The following SKIC3 variants were observed in gnomAD, a reference collection of about 807,000 sequenced individuals.
SKIC3 encodes the protein superkiller complex protein 3.
the SKIC3 span, chr5:95,491,025 T>C: frequency 6.8e-6 from 11 of 1,613,786 alleles, no homozygotes; most frequent in Non-Finnish European, 9.3e-6. Context: ...CCAGCCCAGA[T>C]AGCAGGATCA....
chr5:95,532,299 AGG>A, the SKIC3 span, among the ~76,000 whole-genome samples: 1 of 152,198 alleles, frequency 6.6e-6, no homozygotes. Context: ...TTTTAAAACA[AGG>A]TAAACCTTCC....
the SKIC3 span, among the ~76,000 whole-genome samples, chr5:95,486,242 C>A: frequency 7.2e-5 from 11 of 152,280 alleles, no homozygotes; most frequent in East Asian, 1.9e-3. Context: ...TAGAGCCCCA[C>A]TGATATTCCC....
chr5:95,529,079 T>A, the SKIC3 span: 1 of 1,613,778 alleles, frequency 6.2e-7, no homozygotes, highest in Non-Finnish European at 8.5e-7. Flanking sequence ...CATCCACTTG[T>A]GCAGACAGGG....
chr5:95,525,621 T>A, the SKIC3 span: 28 of 1,613,920 alleles, frequency 1.7e-5, 1 homozygote, highest in African/African-American at 2.0e-4. Flanking sequence ...TTTGTTCCGA[T>A]AGGCCAAGCT....
chr5:95,538,225 A>G, the SKIC3 span, among the ~76,000 whole-genome samples: 3 of 152,272 alleles, frequency 2.0e-5, no homozygotes, highest in East Asian at 5.8e-4. Flanking sequence ...CTGGTAACCT[A>G]CATTATTTTA....
At chr5:95,532,556 T>C in the SKIC3 span, among the ~76,000 whole-genome samples, 1 of 152,134 alleles carries the variant, frequency 6.6e-6, no homozygotes, top group Non-Finnish European at 1.5e-5. Flanking sequence ...ATACTTATTC[T>C]TGTTGAGAAT....
the SKIC3 span, chr5:95,543,339 A>C: frequency 6.2e-7 from 1 of 1,613,636 alleles, no homozygotes; most frequent in Non-Finnish European, 8.5e-7. Context: ...TGATTTAAAA[A>C]AAATTAAAAG....
the SKIC3 span, chr5:95,523,669 C>T: frequency 5.0e-6 from 8 of 1,613,324 alleles, no homozygotes; most frequent in African/African-American, 1.3e-5. Context: ...TCTTCAAGCT[C>T]CACACTTAGG....
chr5:95,484,941 C>A, the SKIC3 span: 1 of 1,297,328 alleles, frequency 7.7e-7, no homozygotes, highest in African/African-American at 1.5e-5. Flanking sequence ...TTGGGCTTAT[C>A]ATCCATACAC....
At chr5:95,549,048 TA>T in the SKIC3 span, among the ~76,000 whole-genome samples, 1 of 151,966 alleles carries the variant, frequency 6.6e-6, no homozygotes, top group Non-Finnish European at 1.5e-5. Flanking sequence ...ACTTAAGACA[TA>T]TAAGTCATTC....
the SKIC3 span, among the ~76,000 whole-genome samples, chr5:95,519,083 C>T: frequency 2.7e-5 from 4 of 147,228 alleles, no homozygotes; most frequent in African/African-American, 9.9e-5. Flanking sequence ...TACCCTGAGA[C>T]CAAAAAAAAA....
the SKIC3 span, chr5:95,495,106 T>C: frequency 6.2e-6 from 8 of 1,291,822 alleles, no homozygotes; most frequent in African/African-American, 5.9e-5. Flanking sequence ...TTCCACTAAA[T>C]CACTGGAAAG....
At chr5:95,549,874 C>A in the SKIC3 span, among the ~76,000 whole-genome samples, 1 of 151,894 alleles carries the variant, frequency 6.6e-6, no homozygotes, top group Non-Finnish European at 1.5e-5. Flanking sequence ...AGGGTAAAAA[C>A]CTACTACCCA....
chr5:95,542,246 A>AT, the SKIC3 span, among the ~76,000 whole-genome samples: 2 of 152,042 alleles, frequency 1.3e-5, no homozygotes, highest in Non-Finnish European at 2.9e-5. Flanking sequence ...ATATGACATT[A>AT]TTTTTTTCAA....
At chr5:95,495,201 G>A in the SKIC3 span, 1 of 595,542 alleles carries the variant, frequency 1.7e-6, no homozygotes, top group Non-Finnish European at 2.9e-6. Context: ...ATAATCTTGT[G>A]AAAGGAAATC....
the SKIC3 span, chr5:95,503,857 T>C: frequency 1.9e-6 from 3 of 1,613,946 alleles, no homozygotes; most frequent in Non-Finnish European, 2.5e-6. Flanking sequence ...ATAAAGCCAA[T>C]GCAAAACCTA....
At chr5:95,510,800 C>A in the SKIC3 span, among the ~76,000 whole-genome samples, 6 of 152,172 alleles carry the variant, frequency 3.9e-5, no homozygotes, top group African/African-American at 1.4e-4. Context: ...GCATGAATTT[C>A]TCTTTTTCTA....
At chr5:95,487,277 A>T in the SKIC3 span, among the ~76,000 whole-genome samples, 1 of 152,092 alleles carries the variant, frequency 6.6e-6, no homozygotes, top group Non-Finnish European at 1.5e-5. Context: ...GTGATCCTGT[A>T]AGTTAATACT....
At chr5:95,486,783 C>G in the SKIC3 span, among the ~76,000 whole-genome samples, 12 of 152,164 alleles carry the variant, frequency 7.9e-5, no homozygotes, top group African/African-American at 2.9e-4. Flanking sequence ...GACTGGTGTG[C>G]TCAGTCCATT....
Sources: gnomAD v4.1 joint callset for allele counts (sites outside exome capture counted in the v4.1 genomes callset) on GRCh38, gnomAD v4.1.1 for gene constraint, MANE v1.5 for transcripts, NCBI Gene and HGNC (gene_info 2026-07-23, HGNC 2026-07-21) for gene names.